SCN4A: variants seen among roughly 807,000 people sequenced by gnomAD.
SCN4A encodes the protein sodium channel protein type 4 subunit alpha.
Under a neutral mutation model 162.0 loss-of-function variants are expected in SCN4A, and 83 were observed. The observed-to-expected ratio is 0.51, with a 90% CI of 0.43 to 0.61. The LOEUF is 0.61. Ranked by LOEUF, SCN4A falls within the 20% of genes least tolerant of loss-of-function variation. The pLI, the probability that SCN4A is intolerant of heterozygous loss-of-function variation, is 0.00. For missense variants in SCN4A, 2,196 were observed against 2,462.5 expected (o/e 0.89, Z 2.29); for synonymous variants, 944 against 985.1 (o/e 0.96, Z 0.78).
intron 12 of SCN4A, among the ~76,000 whole-genome samples, chr17:63,958,751 C>A (rs1457214376): frequency 6.6e-6 from 1 of 152,228 alleles, no homozygotes; most frequent in East Asian, 1.9e-4. Context: ...CGGAGTTTCA[C>A]CATGTTGGCC....
Position 63,957,034 on chromosome 17 carries a change from G to A in SCN4A, c.2376+128C>T, listed in dbSNP as rs191100217. Reference sequence around the variant, plus strand: ...ACACAGGTTAAAATTTGAGAACTACGGGGTTAAACCACATAAAATTGCCAT... The same window carrying A: ...ACACAGGTTAAAATTTGAGAACTACAGGGTTAAACCACATAAAATTGCCAT... On this transcript the variant is annotated intron_variant, in intron 13 of 23. Transcript: ENST00000435607. The A allele has an allele frequency of 3.9e-4, 250 of 633,004 alleles. 1 individual carries two copies. Among genetic ancestry groups the A allele is most frequent in the Non-Finnish European group, 6.6e-5 (24 of 363,038 alleles). The allele number at this position is 633,004 out of a possible 1,614,324, so 39.2% of individuals were successfully genotyped here.
chr17:63,967,936 A>AG (rs967062927), intron 6 of SCN4A, 87 bp downstream of exon 6: 76 of 1,090,048 alleles, frequency 7.0e-5, no homozygotes, highest in Non-Finnish European at 5.6e-5. Context: ...TCCATCTCAA[A>AG]AAAAAAAAAA....
intron 13 of SCN4A, among the ~76,000 whole-genome samples, chr17:63,956,784 G>A (rs1189379661): frequency 6.6e-6 from 1 of 152,246 alleles, no homozygotes; most frequent in East Asian, 1.9e-4. Flanking sequence ...GGACTGGAAT[G>A]TGGGTCTGTC....
At position 63,945,311 on chromosome 17, in the gene SCN4A, G is replaced by T; in HGVS notation, c.3720+49C>A. On this transcript the variant is annotated intron_variant, in intron 19 of 23. Transcript: ENST00000435607. The surrounding 1 kb of genome is among the most constrained non-coding windows in gnomAD (Gnocchi z 4.4). ...TGGGTACAACGAGAGGACCGGGGTG[G>T]GGGGCACCTCCATCCAGGTTCCCGG... 2.0e-6 allele frequency: 3 copies of T among 1,525,742 alleles called. No individual in the cohort carries two copies. The highest frequency in any genetic ancestry group is 2.7e-6 in the Non-Finnish European group (3 of 1,109,858). 94.5% of individuals were successfully genotyped at this position (1,525,742 alleles called of 1,614,324 possible).
intron 11 of SCN4A, among the ~76,000 whole-genome samples, chr17:63,960,129 C>A (rs550214070): frequency 5.9e-5 from 9 of 152,362 alleles, no homozygotes; most frequent in Non-Finnish European, 7.3e-5. Context: ...GCACGGCCCC[C>A]CTCCTGCCAG....
intron 16 of SCN4A, 37 bp downstream of exon 16, chr17:63,948,574 C>T (rs1351296067): frequency 6.3e-7 from 1 of 1,592,400 alleles, no homozygotes; most frequent in East Asian, 2.2e-5. Context: ...GTGGGCCTGG[C>T]CCCTGCCCCT....
Position 63,940,871 on chromosome 17 carries a change from G to T in SCN4A, c.5411C>A (p.Thr1804Asn). ...GGGGCTGATGGGCATCAGCCCCATA[G>T]TGGGTCCGGCGTCCCCTGCCTCGCC... ...EKGEAGDAGPTMGLMPISPSD... is the reference protein window; with the variant it reads ...EKGEAGDAGPNMGLMPISPSD... Residue 1804 changes from threonine (T) to asparagine (N), a missense_variant, in exon 24 of 24, where the codon ACT becomes AAT. Thr to Asn is a moderately conservative substitution (Grantham distance 65). Transcript: ENST00000435607. 6.2e-7 allele frequency: 1 copy of T among 1,613,762 alleles called. No individual in the cohort carries two copies. Among genetic ancestry groups the T allele is most frequent in the Non-Finnish European group, 8.5e-7 (1 of 1,179,836 alleles).
Position 63,963,805 on chromosome 17 carries a change from C to T in SCN4A, c.1473G>A (p.Leu491=). The change falls in exon 10 of 24, where the codon CTG becomes CTA. Residue 491 remains leucine (L), a synonymous_variant. Transcript: ENST00000435607. ...GGTCCCCATCTGCCTCCCCACCTTC[C>T]AGAGCTTGGGCGGCCTTGGCCTGTA... The part of the protein sequence containing the change: ...ELEKAKAAQA[L]EGGEADGDPA... 2 of 1,604,868 alleles carry T rather than the reference C, an allele frequency of 1.2e-6. No homozygotes were observed. Among genetic ancestry groups the T allele is most frequent in the Non-Finnish European group, 1.7e-6 (2 of 1,175,932 alleles).
At position 63,944,813 on chromosome 17, in the gene SCN4A, G is replaced by A. The variant is rs1908659162; in HGVS notation, c.3775-3C>T. 1.9e-6 allele frequency: 3 copies of A among 1,613,448 alleles called. No homozygotes were observed. The highest frequency in any genetic ancestry group is 2.5e-6 in the Non-Finnish European group (3 of 1,179,620). On this transcript the variant is annotated splice_region_variant and splice_polypyrimidine_tract_variant and intron_variant, in intron 20 of 23. Coordinates refer to ENST00000435607, the MANE Select transcript of SCN4A (RefSeq NM_000334.4). This position sits in a 1 kb window ranked among gnomAD's most constrained non-coding sequence, Gnocchi z 4.3. Reference sequence around the variant, plus strand: ...TCGTACTGCGGCTGCTCCTCCTTCTGTGGGAGCCACAGGGTGGGACGGCGT... The same window carrying A: ...TCGTACTGCGGCTGCTCCTCCTTCTATGGGAGCCACAGGGTGGGACGGCGT...
rs73992419 is a variant in SCN4A, at chr17:63,949,463, G to A, written c.2919C>T (p.Pro973=). The A allele has an allele frequency of 5.7e-3, 9,252 of 1,611,234 alleles. 435 individuals are homozygous for A. The African/African-American group carries it at 0.1, about 18-fold the overall frequency. Residue 973 remains proline (P), a synonymous_variant, in exon 15 of 24, where the codon CCC becomes CCT. Coordinates refer to ENST00000435607, the MANE Select transcript of SCN4A (RefSeq NM_000334.4). Reference sequence around the variant, plus strand: ...CTGCCTGCTCCTCAGGGTCCTCCTCGGGGGGCTTGTAGTCAGCTGTGCTGC... The same window carrying A: ...CTGCCTGCTCCTCAGGGTCCTCCTCAGGGGGCTTGTAGTCAGCTGTGCTGC... The part of the protein sequence containing the change: ...SVCSTADYKP[P]EEDPEEQAEE...
chr17:63,954,745 G>A lies in SCN4A; in HGVS notation c.2376+2417C>T, dbSNP rs558050582. Among the ~76,000 whole-genome samples the A allele has an allele frequency of 2.0e-5, 3 of 152,226 alleles. No homozygotes were observed. In the East Asian group the frequency reaches 5.8e-4, roughly 29 times the overall value. On this transcript the variant is annotated intron_variant, in intron 13 of 23. Transcript: ENST00000435607. ...AGGAGCTGACAGTGCCACCTCCCTGGGCCGTTCCACTCCCTCTGAGCAAAC... is the reference window on the plus strand; with the variant it reads ...AGGAGCTGACAGTGCCACCTCCCTGAGCCGTTCCACTCCCTCTGAGCAAAC...
rs11657448 is a variant in SCN4A at position 63,945,768 on chromosome 17, C to T, written c.3442-130G>A. The T allele has an allele frequency of 0.29, 230,347 of 793,608 alleles. 36,480 individuals are homozygous for T. Among genetic ancestry groups the T allele is most frequent in the East Asian group, 0.38 (13,490 of 35,814 alleles). 49.2% of individuals were successfully genotyped at this position (793,608 alleles called of 1,614,324 possible). On this transcript the variant is annotated intron_variant, in intron 18 of 23. Coordinates refer to ENST00000435607, the MANE Select transcript of SCN4A (RefSeq NM_000334.4). The surrounding 1 kb of genome is among the most constrained non-coding windows in gnomAD (Gnocchi z 4.4). ...TAGGGAGGGCTTCCTAGAGGAGGGCCGACCTGCTGGGCTGTGTGTGTGCAG... is the reference window on the plus strand; with the variant it reads ...TAGGGAGGGCTTCCTAGAGGAGGGCTGACCTGCTGGGCTGTGTGTGTGCAG...
chr17:63,964,634 A>C lies in SCN4A; in HGVS notation c.1286T>G (p.Val429Gly). 1 of 1,612,438 alleles carries C rather than the reference A, an allele frequency of 6.2e-7. No homozygotes were observed. Among genetic ancestry groups the C allele is most frequent in the Non-Finnish European group, 8.5e-7 (1 of 1,179,416 alleles). ...GTAGAAAGAGCCCAGGAAGATGATG[A>C]CCACGAAGAAGATCATGTAGGTCTT... is the stretch of plus-strand genomic sequence containing the variant. ...AGKTYMIFFV[V>G]IIFLGSFYLI... Residue 429 changes from valine (V) to glycine (G), a missense_variant, in exon 9 of 24, where the codon GTC (valine) becomes GGC (glycine). Transcript: ENST00000435607.
chr17:63,957,198 G>A lies in SCN4A; in HGVS notation c.2340C>T (p.Thr780=), dbSNP rs375349902. The change falls in exon 13 of 24, where the codon ACC becomes ACT. Residue 780 remains threonine, a synonymous_variant. Transcript: ENST00000435607. The stretch of plus-strand genomic sequence containing the variant: ...CGATGACCATGACCATGAGGAAGAC[G>A]GTGAGGCACATGGCTTGGCCGGCCA... ...MEVAGQAMCL[T]VFLMVMVIGN... is the part of the protein sequence containing the mutation. 116 of 1,592,476 alleles carry A rather than the reference G, an allele frequency of 7.3e-5. No individual in the cohort carries two copies. Among genetic ancestry groups the A allele is most frequent in the Non-Finnish European group, 7.8e-5 (91 of 1,164,930 alleles).
In SCN4A at chr17:63,947,882, G is replaced by T. The variant is rs1260478129; in HGVS notation, c.3318+8C>A. ...ATGTAGCTACGGGGCCAGCGTGGGG[G>T]GACTCACATCCACGATGAGGAAGTC... On this transcript the variant is annotated splice_region_variant and intron_variant, in intron 17 of 23. Transcript: ENST00000435607. 1 of 1,612,726 alleles carries T rather than the reference G, an allele frequency of 6.2e-7. No individual in the cohort carries two copies. Among genetic ancestry groups the T allele is most frequent in the Non-Finnish European group, 8.5e-7 (1 of 1,179,228 alleles).
chr17:63,962,863 G>A (rs1336605761), intron 10 of SCN4A, among the ~76,000 whole-genome samples: 3 of 152,184 alleles, frequency 2.0e-5, no homozygotes, highest in Non-Finnish European at 4.4e-5. Context: ...CCCTCTGGCA[G>A]GGCATATGGG....
At chr17:63,948,562 C>T in intron 16 of SCN4A, 49 bp downstream of exon 16, 3 of 1,559,540 alleles carry the variant, frequency 1.9e-6, no homozygotes, top group Non-Finnish European at 2.6e-6. Flanking sequence ...AGAGGACCTG[C>T]TGTGGGCCTG....
In SCN4A at chr17:63,948,622, T is replaced by C; in HGVS notation, c.3133A>G (p.Ser1045Gly). The change falls in exon 16 of 24, where the codon AGT becomes GGT. Residue 1045 changes from serine to glycine, a missense_variant. Transcript: ENST00000435607. ...CAGGCAGTGCCTACCAGAGCCCCACTGCTGAGCAGGATCATGAAGACAATG... is the reference window on the plus strand; with the variant it reads ...CAGGCAGTGCCTACCAGAGCCCCACCGCTGAGCAGGATCATGAAGACAATG... The part of the protein sequence containing the change: ...TFIVFMILLS[S>G]GALAFEDIYI... 6.2e-7 allele frequency: 1 copy of C among 1,613,530 alleles called. No individual in the cohort carries two copies. The highest frequency in any genetic ancestry group is 1.7e-5 in the Admixed American group (1 of 60,000).
intron 10 of SCN4A, chr17:63,961,734 C>T (rs1909265215): frequency 2.4e-6 from 1 of 408,982 alleles, no homozygotes; most frequent in Non-Finnish European, 4.5e-6. Flanking sequence ...CCTACAGCCC[C>T]ACCCCTGGAA....
Sources: allele counts gnomAD v4.1 joint callset (sites outside exome capture counted in the v4.1 genomes callset), GRCh38; gene constraint gnomAD v4.1.1; non-coding constraint Gnocchi (gnomAD v3.1); transcripts MANE v1.5; gene names NCBI Gene and HGNC (gene_info 2026-07-23, HGNC 2026-07-21).